The following RAB6B variants were observed in gnomAD, a reference collection of about 807,000 sequenced individuals.
The protein encoded by RAB6B is ras-related protein Rab-6B.
A neutral mutation model predicts 31.2 loss-of-function variants in RAB6B; 7 were observed. The ratio of observed to expected loss-of-function variants is 0.22; its 90% CI spans 0.13 to 0.42. RAB6B has a LOEUF of 0.42. Among genes scored for constraint, RAB6B ranks in the 10% least tolerant of loss-of-function variants. The pLI is 1.00. For synonymous variants in RAB6B, 105 were observed against 104.9 expected (o/e 1.00, Z -0.01); for missense variants, 149 against 280.6 (o/e 0.53, Z 3.35).
At chr3:133,832,070 G>A in intron 7 of RAB6B, among the ~76,000 whole-genome samples, 1 of 152,134 alleles carries the variant, frequency 6.6e-6, no homozygotes, top group East Asian at 1.9e-4. Context: ...CTGGTTTGCG[G>A]CGTCACTGTC....
intron 1 of RAB6B, among the ~76,000 whole-genome samples, chr3:133,876,071 A>AATACCCC (rs1936393101): frequency 6.6e-6 from 1 of 152,206 alleles, no homozygotes; most frequent in Non-Finnish European, 1.5e-5. Context: ...AATCCCTCTG[A>AATACCCC]ATACCCCTAC....
intron 2 of RAB6B, among the ~76,000 whole-genome samples, chr3:133,857,996 C>T (rs140504666): frequency 6.4e-4 from 98 of 152,262 alleles, no homozygotes; most frequent in Middle Eastern, 3.4e-3. Context: ...CTGTGTGCCC[C>T]GCCTCAGCTG....
intron 1 of RAB6B, among the ~76,000 whole-genome samples, chr3:133,868,508 G>C (rs976711448): frequency 6.6e-6 from 1 of 152,216 alleles, no homozygotes; most frequent in Non-Finnish European, 1.5e-5. Flanking sequence ...TCACACCGCT[G>C]TGCTTCTACC....
chr3:133,864,757 G>A (rs996259674), intron 1 of RAB6B, 115 bp from the exon 2 acceptor site: 4 of 1,036,784 alleles, frequency 3.9e-6, no homozygotes, highest in Non-Finnish European at 4.5e-6. Context: ...GAAAGGCCGA[G>A]TTGCAGAAAT....
chr3:133,856,244 G>C (rs367942296), intron 2 of RAB6B, among the ~76,000 whole-genome samples: 1 of 152,266 alleles, frequency 6.6e-6, no homozygotes, highest in East Asian at 1.9e-4. Context: ...GAAGTGGACG[G>C]GAGGACATAG....
At chr3:133,872,751 A>G (rs540058267) in intron 1 of RAB6B, among the ~76,000 whole-genome samples, 49 of 152,288 alleles carry the variant, frequency 3.2e-4, no homozygotes, top group Admixed American at 2.1e-3. Context: ...CCCATTTCAA[A>G]CCATCCCCCA....
At chr3:133,859,071 C>T (rs1936123017) in intron 2 of RAB6B, among the ~76,000 whole-genome samples, 1 of 152,160 alleles carries the variant, frequency 6.6e-6, no homozygotes, top group African/African-American at 2.4e-5. Flanking sequence ...CTTGACCTCA[C>T]AGGCTCAAGC....
chr3:133,871,460 A>G (rs1936322601), intron 1 of RAB6B, among the ~76,000 whole-genome samples: 1 of 152,316 alleles, frequency 6.6e-6, no homozygotes, highest in Non-Finnish European at 1.5e-5. Flanking sequence ...CCTCTGCTTA[A>G]AATCATTTGC....
chr3:133,870,908 T>G (rs1321764569), intron 1 of RAB6B, among the ~76,000 whole-genome samples: 1 of 152,196 alleles, frequency 6.6e-6, no homozygotes, highest in East Asian at 1.9e-4. Flanking sequence ...ACCCTGGAAA[T>G]CCCACCAATG....
At chr3:133,886,486 G>C (rs1936549025) in intron 1 of RAB6B, among the ~76,000 whole-genome samples, 1 of 152,182 alleles carries the variant, frequency 6.6e-6, no homozygotes, top group South Asian at 2.1e-4. Context: ...CTTCCCCTGA[G>C]CAGGTTTGGT....
At position 133,870,560 on chromosome 3, in the gene RAB6B, G is replaced by A. The variant is rs77429659; in HGVS notation, c.71-5918C>T. ...CTGGTCAGATTCAGAGAGGAGCCCAGAACTCCTCCCTGTGACCTGGGTTCA... is the reference window on the plus strand; with the variant it reads ...CTGGTCAGATTCAGAGAGGAGCCCAAAACTCCTCCCTGTGACCTGGGTTCA... On this transcript the variant is annotated intron_variant, in intron 1 of 7. Coordinates refer to ENST00000285208, the MANE Select transcript of RAB6B (RefSeq NM_016577.4). 9.8e-3 allele frequency among the ~76,000 whole-genome samples: 1,490 copies of A among 152,242 alleles called. 8 individuals are homozygous for A. Among genetic ancestry groups the A allele is most frequent in the Non-Finnish European group, 0.016 (1,064 of 68,008 alleles).
chr3:133,847,120 C>CT (rs1935917577), intron 2 of RAB6B, among the ~76,000 whole-genome samples: 2 of 152,230 alleles, frequency 1.3e-5, no homozygotes, highest in Admixed American at 1.3e-4. Context: ...CATCTCAGCA[C>CT]TTTATCATTT....
At chr3:133,885,726 G>C in intron 1 of RAB6B, 2 of 653,128 alleles carry the variant, frequency 3.1e-6, no homozygotes, top group Middle Eastern at 3.1e-4. Flanking sequence ...TCTGCGTACA[G>C]TGTGGCCTTG....
At chr3:133,880,694 C>T (rs9861470) in intron 1 of RAB6B, among the ~76,000 whole-genome samples, 19,431 of 152,256 alleles carry the variant, frequency 0.13, 1,500 homozygotes, top group Non-Finnish European at 0.16. Context: ...ACACAGCCTG[C>T]TCGCTGCTGC....
intron 6 of RAB6B, among the ~76,000 whole-genome samples, chr3:133,837,247 A>T (rs1174547765): frequency 6.6e-6 from 1 of 152,168 alleles, no homozygotes; most frequent in Non-Finnish European, 1.5e-5. Context: ...ACTCCTTTGA[A>T]GTATGTGAAA....
chr3:133,880,690 C>G lies in RAB6B; in HGVS notation c.70+14707G>C, dbSNP rs1353506352. ...TGTCCTTCCATACACCCTCACACAG[C>G]CTGCTCGCTGCTGCTCAACTTTTCT... On this transcript the variant is annotated intron_variant, in intron 1 of 7. Coordinates refer to ENST00000285208, the MANE Select transcript of RAB6B (RefSeq NM_016577.4). Among the ~76,000 whole-genome samples the G allele has an allele frequency of 2.0e-5, 3 of 152,244 alleles. No individual in the cohort carries two copies. The East Asian group carries it at 5.8e-4, about 29-fold the overall frequency.
chr3:133,884,064 C>CACAG (rs10695356), intron 1 of RAB6B, among the ~76,000 whole-genome samples: 47,356 of 148,598 alleles, frequency 0.32, 7,513 homozygotes, highest in African/African-American at 0.38. Flanking sequence ...ACCCTGAACT[C>CACAG]ACAACCTGGC....
intron 2 of RAB6B, among the ~76,000 whole-genome samples, chr3:133,849,544 G>A (rs1185318521): frequency 2.0e-5 from 3 of 152,226 alleles, no homozygotes; most frequent in Admixed American, 6.5e-5. Context: ...TGCATGAGAA[G>A]GTGCTATTCA....
At chr3:133,855,207 G>A (rs114890113) in intron 2 of RAB6B, among the ~76,000 whole-genome samples, 2,203 of 152,370 alleles carry the variant, frequency 0.014, 39 homozygotes, top group Non-Finnish European at 0.018. Flanking sequence ...GTTCCAGACT[G>A]GCAAGTGGGT....
Sources: gnomAD v4.1 joint callset for allele counts (sites outside exome capture counted in the v4.1 genomes callset) on GRCh38, gnomAD v4.1.1 for gene constraint, MANE v1.5 for transcripts, NCBI Gene and HGNC (gene_info 2026-07-23, HGNC 2026-07-21) for gene names.